Variants in PPP6R2 observed in about 807,000 individuals in gnomAD.
PPP6R2 encodes protein phosphatase 6 regulatory subunit 2.
In PPP6R2, 62 loss-of-function variants were observed where a neutral mutation model predicts 100.2. The observed-to-expected ratio is 0.62, with a 90% CI of 0.50 to 0.76. The LOEUF (loss-of-function observed/expected upper bound fraction) is 0.76. PPP6R2 is among the 30% of genes least tolerant of loss of function. The pLI, the probability that PPP6R2 is intolerant of heterozygous loss-of-function variation, is 0.00. For missense variants in PPP6R2, 1,142 were observed against 1,276.3 expected, an observed-to-expected ratio of 0.89 and a Z score of 1.60; for synonymous variants, 525 against 514.7, an observed-to-expected ratio of 1.02 and a Z score of -0.27.
At chr22:50,339,934 GGT>G (rs1159500266), upstream of PPP6R2, among the ~76,000 whole-genome samples, 12 of 130,018 alleles carry the variant, frequency 9.2e-5, no homozygotes, top group Non-Finnish European at 1.3e-4. Flanking sequence ...TGGGGTGTGT[GGT>G]GTGTGTGTTA....
intron 6 of PPP6R2, among the ~76,000 whole-genome samples, chr22:50,418,247 C>T (rs2060807802): frequency 6.6e-6 from 1 of 152,142 alleles, no homozygotes; most frequent in African/African-American, 2.4e-5. Flanking sequence ...GAAGATAGTT[C>T]AATGCAGCTT....
chr22:50,331,849 T>A, the PPP6R2 span, among the ~76,000 whole-genome samples: 6 of 152,230 alleles, frequency 3.9e-5, no homozygotes, highest in Non-Finnish European at 7.3e-5. Context: ...CTTGAACTCC[T>A]GACCTTGTGA....
chr22:50,333,744 A>G, the PPP6R2 span, among the ~76,000 whole-genome samples: 1 of 152,148 alleles, frequency 6.6e-6, no homozygotes, highest in Admixed American at 6.5e-5. Context: ...AGAAATAAAG[A>G]CGCAAGACAA....
At position 50,431,032 on chromosome 22, in the gene PPP6R2, A is replaced by T; in HGVS notation, c.1126-141A>T. On this transcript the variant is annotated intron_variant, in intron 10 of 23. Coordinates refer to ENST00000612753, the MANE Select transcript of PPP6R2 (RefSeq NM_001242898.2). This position sits in a 1 kb window ranked among gnomAD's most constrained non-coding sequence, Gnocchi z 4.8. ...AGAGATGACCCTCAGGAAAACGCTT[A>T]AAACTCCTTCCTAGCTACCCAGAGA... 1.4e-6 allele frequency: 1 copy of T among 713,578 alleles called. No individual in the cohort carries two copies. Among genetic ancestry groups the T allele is most frequent in the Non-Finnish European group, 2.4e-6 (1 of 416,412 alleles). The allele number at this position is 713,578 out of a possible 1,614,324, so 44.2% of individuals were successfully genotyped here.
At chr22:50,403,921 C>A (rs1015691907) in intron 3 of PPP6R2, among the ~76,000 whole-genome samples, 3 of 152,116 alleles carry the variant, frequency 2.0e-5, no homozygotes, top group Non-Finnish European at 4.4e-5. Context: ...AAACCCTGGC[C>A]CCTCCAGCCG....
At chr22:50,336,829 C>T in the PPP6R2 span, among the ~76,000 whole-genome samples, 1 of 151,786 alleles carries the variant, frequency 6.6e-6, no homozygotes, top group South Asian at 2.1e-4. Context: ...ACCTCAGCCT[C>T]CAGAGTAGCT....
At chr22:50,406,577 G>A in intron 3 of PPP6R2, 112 bp from the exon 4 acceptor site, 2 of 954,498 alleles carry the variant, frequency 2.1e-6, no homozygotes, top group Non-Finnish European at 3.2e-6. Context: ...GAGGTCTGTA[G>A]TGTTTGTTTG....
intron 15 of PPP6R2, 22 bp from the exon 16 acceptor site, chr22:50,437,484 T>TGCCAACC: frequency 1.8e-6 from 1 of 542,132 alleles, no homozygotes; most frequent in Non-Finnish European, 3.6e-6. Flanking sequence ...TGTCCGTCCC[T>TGCCAACC]CCCTCCCTCC....
intron 22 of PPP6R2, among the ~76,000 whole-genome samples, chr22:50,442,446 C>CGAT (rs1367212920): frequency 1.3e-5 from 2 of 152,200 alleles, no homozygotes; most frequent in Non-Finnish European, 2.9e-5. Flanking sequence ...GGCCGTTTCC[C>CGAT]GATGCCGGCA....
At chr22:50,436,816 C>T (rs2064387604) in intron 14 of PPP6R2, among the ~76,000 whole-genome samples, 172 bp from the exon 15 acceptor site, 1 of 152,192 alleles carries the variant, frequency 6.6e-6, no homozygotes, top group South Asian at 2.1e-4. Context: ...GCCTTGGCCT[C>T]ACCTAGGCAC....
At chr22:50,340,516 GTGTGTGT>G (rs1419409598), upstream of PPP6R2, among the ~76,000 whole-genome samples, 42 of 136,712 alleles carry the variant, frequency 3.1e-4, 1 homozygote, top group African/African-American at 1.1e-3. Context: ...TGTGTGTGTG[GTGTGTGT>G]GGGGGGTATG....
intron 1 of PPP6R2, among the ~76,000 whole-genome samples, chr22:50,349,278 A>C (rs1484784336): frequency 6.9e-6 from 1 of 144,136 alleles, no homozygotes; most frequent in African/African-American, 2.6e-5. Flanking sequence ...TGGCAGGATC[A>C]CCTGAGCCTG....
At position 50,437,602 on chromosome 22, in the gene PPP6R2, A is replaced by G. The variant is rs2064630291; in HGVS notation, c.1780A>G (p.Asn594Asp). ...GTTTGCCGACCAGGACGACAACATC[A>G]AGTGAGTCTACTTGGAGCGCACTCT... The part of the protein sequence containing the change: ...EEFADQDDNI[N>D]APFDRIAEIN... Residue 594 changes from asparagine to aspartate, a missense_variant and splice_region_variant, in exon 16 of 24, where the codon AAT (asparagine) becomes GAT (aspartate). Asn to Asp is a conservative substitution (Grantham distance 23). This residue lies in a region of PPP6R2 where 550 missense variants were observed against 517.4 expected (regional missense o/e 1.06). Transcript: ENST00000612753. The G allele has an allele frequency of 6.2e-7, 1 of 1,603,892 alleles. No homozygotes were observed. The highest frequency in any genetic ancestry group is 1.1e-5 in the South Asian group (1 of 90,840).
chr22:50,430,638 C>T (rs561301203), intron 10 of PPP6R2, among the ~76,000 whole-genome samples: 1 of 152,200 alleles, frequency 6.6e-6, no homozygotes, highest in East Asian at 1.9e-4. Context: ...CTTTGGGAGG[C>T]GGAGGCGGGC....
chr22:50,404,763 C>T (rs2058588261), intron 3 of PPP6R2, among the ~76,000 whole-genome samples: 1 of 152,052 alleles, frequency 6.6e-6, no homozygotes, highest in South Asian at 2.1e-4. Context: ...GATGAGAAAA[C>T]CCAGACACAG....
intron 1 of PPP6R2, among the ~76,000 whole-genome samples, chr22:50,355,673 A>T (rs1020541308): frequency 6.6e-6 from 1 of 150,630 alleles, no homozygotes; most frequent in African/African-American, 2.4e-5. Flanking sequence ...GGTGCCCGCC[A>T]CCACACCCAG....
intron 6 of PPP6R2, among the ~76,000 whole-genome samples, chr22:50,417,518 A>T (rs535958594): frequency 6.6e-6 from 1 of 152,244 alleles, no homozygotes; most frequent in South Asian, 2.1e-4. Context: ...CATTACACAT[A>T]CCGATCTATA....
chr22:50,342,610 G>A (rs1442486914), upstream of PPP6R2, among the ~76,000 whole-genome samples: 2 of 152,350 alleles, frequency 1.3e-5, no homozygotes, highest in African/African-American at 4.8e-5. Flanking sequence ...TGGAAAAAAC[G>A]TTTAGAGATC....
At chr22:50,338,511 AGTGT>A (rs1199602240), upstream of PPP6R2, among the ~76,000 whole-genome samples, 1 of 74,758 alleles carries the variant, frequency 1.3e-5, no homozygotes, top group Non-Finnish European at 2.7e-5. Flanking sequence ...TGGTGTGTGT[AGTGT>A]GTGTGTGCGG....
Sources: allele counts gnomAD v4.1 joint callset (sites outside exome capture counted in the v4.1 genomes callset), GRCh38; gene constraint gnomAD v4.1.1; regional missense constraint gnomAD v4.1.1; non-coding constraint Gnocchi (gnomAD v3.1); transcripts MANE v1.5; gene names NCBI Gene and HGNC (gene_info 2026-07-23, HGNC 2026-07-21).